Variants in HNRNPH1 observed in about 807,000 individuals in gnomAD.
The protein encoded by HNRNPH1 is heterogeneous nuclear ribonucleoprotein H.
HNRNPH1 carries 4 observed loss-of-function variants against 58.6 expected under a neutral mutation model. The ratio of observed to expected loss-of-function variants is 0.07; its 90% CI spans 0.03 to 0.16. HNRNPH1 has a LOEUF of 0.16. HNRNPH1 is among the 10% of genes least tolerant of loss of function. The probability of loss-of-function intolerance (pLI) is 1.00; values close to 1 mark genes in which losing one functional copy is unlikely to be tolerated. For synonymous variants in HNRNPH1, 192 were observed against 189.2 expected (o/e 1.01, Z -0.12); for missense variants, 271 against 564.2 (o/e 0.48, Z 5.26).
chr5:179,617,379 C>T (rs1770281600), intron 8 of HNRNPH1, 135 bp downstream of exon 9: 2 of 1,043,106 alleles, frequency 1.9e-6, no homozygotes, highest in Non-Finnish European at 2.8e-6. Flanking sequence ...CAACACACTG[C>T]CCCCGCATCC....
chr5:179,620,388 T>A (rs77376842), intron 3 of HNRNPH1, among the ~76,000 whole-genome samples: 1 of 152,220 alleles, frequency 6.6e-6, no homozygotes, highest in Non-Finnish European at 1.5e-5. Flanking sequence ...TCACTACATC[T>A]GATTTTCAGT....
exon 1 of HNRNPH1, chr5:179,624,330 G>T: frequency 2.5e-6 from 1 of 394,976 alleles, no homozygotes. Context: ...CCGTCGTCGG[G>T]CCTAGGGCCC....
At chr5:179,622,793 A>ACTCC (rs1431175247) in intron 1 of HNRNPH1, 1 of 151,984 alleles carries the variant, frequency 6.6e-6, no homozygotes, top group East Asian at 1.9e-4. Context: ...AACCTGCCGC[A>ACTCC]CTCCCCCAAG....
exon 1 of HNRNPH1, chr5:179,624,425 C>G (rs538825047): frequency 2.5e-6 from 1 of 398,012 alleles, no homozygotes; most frequent in South Asian, 1.3e-4. Context: ...TACCCCTTGA[C>G]CCGCCTAACG....
exon 13 of HNRNPH1, chr5:179,614,812 ACC>A: frequency 2.2e-6 from 2 of 910,648 alleles, no homozygotes; most frequent in South Asian, 3.2e-5. Context: ...AAAAAGGTTG[ACC>A]AAGAGTCAGT....
chr5:179,631,410 A>G (rs1392370902), intron 2 of HNRNPH1, among the ~76,000 whole-genome samples: 1 of 152,068 alleles, frequency 6.6e-6, no homozygotes, highest in Non-Finnish European at 1.5e-5. Context: ...TCAGGAGTTC[A>G]AGACCAGCCT....
In HNRNPH1 at chr5:179,616,887, T is replaced by G. The variant is rs753041193; in HGVS notation, c.1189A>C (p.Met397Leu). ...TATTTACACAAGCCCATGCCTCCCATCATTTGGCTACCATAAGCACCACCG... is the reference window on the plus strand; with the variant it reads ...TATTTACACAAGCCCATGCCTCCCAGCATTTGGCTACCATAAGCACCACCG... Residue 397 changes from methionine to leucine, a missense_variant, in exon 10 of 13, where the codon ATG becomes CTG. Coordinates refer to ENST00000356731, the Ensembl canonical transcript of HNRNPH1. 5 of 1,613,810 alleles carry G rather than the reference T, an allele frequency of 3.1e-6. No individual in the cohort carries two copies. In the South Asian group the frequency reaches 5.5e-5, roughly 18 times the overall value.
rs1186748344 is a variant in HNRNPH1 at position 179,617,281 on chromosome 5, A to G, written c.1058-171T>C. 5 of 739,684 alleles carry G rather than the reference A, an allele frequency of 6.8e-6. No individual in the cohort carries two copies. The Admixed American group carries it at 8.6e-5, about 13-fold the overall frequency. The allele number at this position is 739,684 out of a possible 1,614,324, so 45.8% of individuals were successfully genotyped here. ...TTTAACTCCAAAATCTAGCCTTTAC[A>G]TATTCATCTGTATTGTCAATTAAGG... On this transcript the variant is annotated intron_variant, in intron 8 of 12. Transcript: ENST00000356731.
intron 10 of HNRNPH1, chr5:179,616,481 G>T: frequency 1.9e-6 from 1 of 535,778 alleles, no homozygotes. Context: ...GAGGCATTTT[G>T]TGAAGATCTT....
intron 2 of HNRNPH1, among the ~76,000 whole-genome samples, chr5:179,631,048 G>C (rs1774790477): frequency 6.6e-6 from 1 of 152,104 alleles, no homozygotes; most frequent in Non-Finnish European, 1.5e-5. Context: ...GCATGAAATA[G>C]GGAAGCTTTA....
chr5:179,620,110 A>G (rs1380065521), intron 3 of HNRNPH1: 1 of 152,254 alleles, frequency 6.6e-6, no homozygotes, highest in East Asian at 1.9e-4. Context: ...TGTCAAAACA[A>G]AACAGACTTG....
At chr5:179,617,388 C>T in intron 8 of HNRNPH1, 126 bp downstream of exon 9, 1 of 1,133,710 alleles carries the variant, frequency 8.8e-7, no homozygotes, top group Non-Finnish European at 1.3e-6. Context: ...GCCCCCGCAT[C>T]CCCCAAGAAT....
rs1413070901 is a variant in HNRNPH1 at position 179,616,979 on chromosome 5, T to C, written c.1118-21A>G. On this transcript the variant is annotated intron_variant, in intron 9 of 12. Transcript: ENST00000356731. The stretch of plus-strand genomic sequence containing the variant: ...GTGTTCTGAAATGAGAGAAAAGGCA[T>C]ACAAGGTTAGCTTAAAAAAAAGACA... The C allele has an allele frequency of 3.5e-6, 5 of 1,424,718 alleles. 1 individual carries two copies. Among genetic ancestry groups the C allele is most frequent in the African/African-American group, 3.1e-5 (2 of 64,052 alleles). 88.3% of individuals were successfully genotyped at this position (1,424,718 alleles called of 1,614,324 possible). A position where few individuals can be genotyped will look rare whatever the true frequency, so the allele number is the denominator to read the frequency against.
chr5:179,621,438 A>C, intron 1 of HNRNPH1, 41 bp from the exon 3 acceptor site: 1 of 1,574,608 alleles, frequency 6.4e-7, no homozygotes, highest in Admixed American at 1.7e-5. Flanking sequence ...TTAAAACCTA[A>C]AACCACCTCT....
chr5:179,621,481 C>T (rs1353909099), intron 1 of HNRNPH1, 84 bp from the exon 3 acceptor site: 2 of 1,158,282 alleles, frequency 1.7e-6, no homozygotes, highest in Admixed American at 2.1e-5. Context: ...ATTCCATGTC[C>T]CCACTACAAA....
upstream of HNRNPH1, among the ~76,000 whole-genome samples, chr5:179,627,658 C>T (rs371785186): frequency 4.1e-3 from 618 of 152,148 alleles, 3 homozygotes; most frequent in African/African-American, 0.015. Flanking sequence ...TGCAATGGCT[C>T]ACACTTGTAA....
chr5:179,618,990 G>A (rs1771066400), intron 4 of HNRNPH1: 2 of 235,788 alleles, frequency 8.5e-6, no homozygotes, highest in South Asian at 1.2e-4. Context: ...GCTAAAGCCA[G>A]GTTTGCATTA....
At chr5:179,620,162 T>C (rs996084713) in intron 3 of HNRNPH1, 3 of 152,272 alleles carry the variant, frequency 2.0e-5, no homozygotes, top group African/African-American at 7.2e-5. Context: ...CATATATCAA[T>C]TTTTAACATA....
In HNRNPH1 at chr5:179,620,845, A is replaced by T. The variant is rs1274431207; in HGVS notation, c.397+47T>A. The T allele has an allele frequency of 3.1e-6, 5 of 1,588,824 alleles. No homozygotes were observed. In the Admixed American group the frequency reaches 8.5e-5, roughly 27 times the overall value. On this transcript the variant is annotated intron_variant, in intron 3 of 12. Coordinates refer to ENST00000356731, the Ensembl canonical transcript of HNRNPH1. ...TTAACGTCTATTAAATCACCTTGCC[A>T]TAAGCTAGCCAAAACTCACTGCTCA...
Sources: gnomAD v4.1 joint callset for allele counts (sites outside exome capture counted in the v4.1 genomes callset) on GRCh38, gnomAD v4.1.1 for gene constraint, MANE v1.5 for transcripts, NCBI Gene and HGNC (gene_info 2026-07-23, HGNC 2026-07-21) for gene names.